DPY19L1: variants seen among roughly 807,000 people sequenced by gnomAD.
DPY19L1 encodes the protein dpy-19 like C-mannosyltransferase 1.
A neutral mutation model predicts 96.9 loss-of-function variants in DPY19L1; 35 were observed. The observed-to-expected ratio is 0.36, with a 90% CI of 0.28 to 0.48. The LOEUF is 0.48. Ranked by LOEUF, DPY19L1 falls within the 20% of genes least tolerant of loss-of-function variation. The pLI, the probability that DPY19L1 is intolerant of heterozygous loss-of-function variation, is 0.99. For missense variants in DPY19L1, 521 were observed against 777.9 expected (o/e 0.67, Z 3.93); for synonymous variants, 205 against 252.6 (o/e 0.81, Z 1.79).
intron 17 of DPY19L1, among the ~76,000 whole-genome samples, chr7:34,942,309 G>A (rs1453046004): frequency 6.6e-6 from 1 of 152,166 alleles, no homozygotes; most frequent in Non-Finnish European, 1.5e-5. Context: ...CAAGCAAGGT[G>A]AGCAGAGAGG....
intron 21 of DPY19L1, among the ~76,000 whole-genome samples, chr7:34,937,558 T>C (rs866730099): frequency 2.6e-5 from 4 of 152,158 alleles, no homozygotes; most frequent in Non-Finnish European, 5.9e-5. Context: ...CTCTTTAAGG[T>C]AGTATACACA....
intron 6 of DPY19L1, among the ~76,000 whole-genome samples, chr7:35,003,566 A>G (rs1304419127): frequency 2.0e-5 from 3 of 152,224 alleles, no homozygotes; most frequent in Non-Finnish European, 4.4e-5. Flanking sequence ...TGAATTTAGA[A>G]AGAGGGAACA....
intron 21 of DPY19L1, among the ~76,000 whole-genome samples, chr7:34,933,238 C>T (rs1262563585): frequency 6.6e-6 from 1 of 152,178 alleles, no homozygotes; most frequent in Admixed American, 6.5e-5. Context: ...TTGGTGCACC[C>T]ACCACCAGAG....
chr7:34,945,097 G>A (rs1784114602), intron 16 of DPY19L1, among the ~76,000 whole-genome samples: 2 of 152,156 alleles, frequency 1.3e-5, no homozygotes, highest in Admixed American at 6.5e-5. Flanking sequence ...CAGGAGATAC[G>A]GGTCACACAT....
chr7:34,947,115 G>A (rs1784164740), intron 15 of DPY19L1, among the ~76,000 whole-genome samples: 1 of 152,124 alleles, frequency 6.6e-6, no homozygotes, highest in South Asian at 2.1e-4. Flanking sequence ...TATCACACTT[G>A]CTTTGATCTT....
At chr7:34,944,154 T>A (rs1348878251) in intron 16 of DPY19L1, among the ~76,000 whole-genome samples, 2 of 151,842 alleles carry the variant, frequency 1.3e-5, no homozygotes, top group African/African-American at 4.8e-5. Flanking sequence ...CACGAGTTCA[T>A]GAGTTCAAGA....
intron 7 of DPY19L1, among the ~76,000 whole-genome samples, chr7:34,982,141 C>G (rs750806546): frequency 6.6e-6 from 1 of 152,060 alleles, no homozygotes; most frequent in African/African-American, 2.4e-5. Context: ...ATGCAATGTA[C>G]GATCCTTAAT....
chr7:35,019,360 G>T (rs142046284), intron 1 of DPY19L1, among the ~76,000 whole-genome samples: 1 of 152,298 alleles, frequency 6.6e-6, no homozygotes, highest in East Asian at 1.9e-4. Flanking sequence ...ATCATCTCGA[G>T]CCCAGGAATT....
intron 18 of DPY19L1, among the ~76,000 whole-genome samples, chr7:34,941,293 G>A (rs1784008175): frequency 6.6e-6 from 1 of 151,940 alleles, no homozygotes; most frequent in Non-Finnish European, 1.5e-5. Flanking sequence ...GGAAAAATAA[G>A]CAGCAAACCA....
chr7:35,035,347 A>C (rs170649), intron 1 of DPY19L1, among the ~76,000 whole-genome samples: 77,392 of 152,026 alleles, frequency 0.51, 20,036 homozygotes, highest in Admixed American at 0.64. Flanking sequence ...TAGGTATGGG[A>C]ATTACTAAAT....
intron 1 of DPY19L1, among the ~76,000 whole-genome samples, chr7:35,033,660 T>C (rs543352292): frequency 2.6e-4 from 40 of 152,190 alleles, no homozygotes; most frequent in Non-Finnish European, 5.3e-4. Flanking sequence ...ATGCTGCTTC[T>C]ACCACACCAC....
chr7:35,036,718 C>G (rs1740745125), intron 1 of DPY19L1, among the ~76,000 whole-genome samples: 1 of 152,138 alleles, frequency 6.6e-6, no homozygotes. Flanking sequence ...CCAAAGCAAA[C>G]CATCCTGGCG....
chr7:35,021,606 T>C (rs192131619), intron 1 of DPY19L1, among the ~76,000 whole-genome samples: 5 of 152,380 alleles, frequency 3.3e-5, no homozygotes, highest in African/African-American at 1.2e-4. Flanking sequence ...TTATGTCATA[T>C]GTACAAATAT....
intron 13 of DPY19L1, among the ~76,000 whole-genome samples, chr7:34,950,460 C>A (rs1784246421): frequency 1.3e-5 from 2 of 152,078 alleles, no homozygotes. Flanking sequence ...CCACAAAAAG[C>A]CATGTGAGGA....
intron 1 of DPY19L1, among the ~76,000 whole-genome samples, chr7:35,035,695 A>C (rs1786376985): frequency 6.6e-6 from 1 of 152,184 alleles, no homozygotes; most frequent in Admixed American, 6.5e-5. Context: ...TCCTTAACAG[A>C]TCCTGTGGAT....
At chr7:34,987,580 T>C (rs1231611758) in intron 7 of DPY19L1, among the ~76,000 whole-genome samples, 1 of 152,066 alleles carries the variant, frequency 6.6e-6, no homozygotes, top group Non-Finnish European at 1.5e-5. Context: ...AATTGAGAAC[T>C]ATTCTTTGCA....
intron 1 of DPY19L1, among the ~76,000 whole-genome samples, chr7:35,020,466 G>A (rs1004991062): frequency 6.6e-6 from 1 of 152,006 alleles, no homozygotes; most frequent in African/African-American, 2.4e-5. Flanking sequence ...ACTGTTTTTC[G>A]ATAGTCCTTG....
chr7:35,034,187 T>C (rs1011061350), intron 1 of DPY19L1, among the ~76,000 whole-genome samples: 2 of 152,214 alleles, frequency 1.3e-5, no homozygotes, highest in Non-Finnish European at 2.9e-5. Flanking sequence ...GTGTATATAG[T>C]ATCTCATGTT....
chr7:34,939,474 A>C (rs1441692830), intron 19 of DPY19L1, 99 bp from the exon 20 acceptor site: 1 of 969,782 alleles, frequency 1.0e-6, no homozygotes, highest in Non-Finnish European at 1.5e-6. Flanking sequence ...ACAGAGCGGA[A>C]GCCCAGCAGG....
Sources: allele counts gnomAD v4.1 joint callset (sites outside exome capture counted in the v4.1 genomes callset), GRCh38; gene constraint gnomAD v4.1.1; transcripts MANE v1.5; gene names NCBI Gene and HGNC (gene_info 2026-07-23, HGNC 2026-07-21).